Variants in OPRM1 observed in about 807,000 individuals in gnomAD.
The protein encoded by OPRM1 is opioid receptor mu 1, also known as mu-type opioid receptor.
In OPRM1, 27 loss-of-function variants were observed where a neutral mutation model predicts 31.8. That is an observed-to-expected ratio of 0.85 (90% confidence interval 0.63 to 1.17). OPRM1 has a LOEUF of 1.17. OPRM1 is among the 50% of genes most tolerant of loss of function. The pLI, the probability that OPRM1 is intolerant of heterozygous loss-of-function variation, is 0.00. For synonymous variants in OPRM1, 196 were observed against 189.9 expected, an observed-to-expected ratio of 1.03 and a Z score of -0.26; for missense variants, 536 against 511.1, an observed-to-expected ratio of 1.05 and a Z score of -0.47.
intron 3 of OPRM1, among the ~76,000 whole-genome samples, chr6:154,180,154 C>T (rs1052216816): frequency 2.0e-5 from 3 of 152,066 alleles, no homozygotes; most frequent in African/African-American, 7.2e-5. Flanking sequence ...TTTGGCTTTG[C>T]TCAAAGGAGT....
intron 3 of OPRM1, among the ~76,000 whole-genome samples, chr6:154,100,189 A>ATATAATATATAT (rs1794556081): frequency 7.0e-5 from 1 of 14,288 alleles, no homozygotes; most frequent in Non-Finnish European, 1.2e-4. Flanking sequence ...ATATTATGAC[A>ATATAATATATAT]TATCATAATA....
rs932849965 is a variant in OPRM1, at chr6:154,160,053, A to G, written c.1164+68581A>G. On this transcript the variant is annotated intron_variant, in intron 3 of 3. Coordinates refer to the OPRM1 transcript ENST00000337049. Reference sequence around the variant, plus strand: ...CATGTTCTTTACACTGTGTGAGTAGAAAAAAAGGGGAAGGGGGTATGTTGA... The same window carrying G: ...CATGTTCTTTACACTGTGTGAGTAGGAAAAAAGGGGAAGGGGGTATGTTGA... 6 of 1,587,678 alleles carry G rather than the reference A, an allele frequency of 3.8e-6. No homozygotes were observed. The African/African-American group carries it at 6.8e-5, about 18-fold the overall frequency.
intron 3 of OPRM1, among the ~76,000 whole-genome samples, chr6:154,141,512 A>G (rs562118942): frequency 6.6e-6 from 1 of 152,340 alleles, no homozygotes; most frequent in East Asian, 1.9e-4. Context: ...TAATGTATCA[A>G]GTTTATCTTG....
intron 3 of OPRM1, among the ~76,000 whole-genome samples, chr6:154,170,880 T>C (rs1799816956): frequency 6.6e-6 from 1 of 152,222 alleles, no homozygotes; most frequent in South Asian, 2.1e-4. Context: ...TTTTATTGTT[T>C]ATTTTTTAAA....
intron 3 of OPRM1, among the ~76,000 whole-genome samples, chr6:154,186,408 C>T (rs1801347610): frequency 1.3e-5 from 2 of 152,236 alleles, no homozygotes; most frequent in African/African-American, 4.8e-5. Context: ...CAGCATCTGA[C>T]TGCTTTCCAT....
chr6:154,084,752 TC>T (rs1183127357), intron 1 of OPRM1, among the ~76,000 whole-genome samples: 3 of 152,176 alleles, frequency 2.0e-5, no homozygotes, highest in South Asian at 4.1e-4. Context: ...CTTGTTGAAT[TC>T]TTACTGAATT....
At chr6:154,149,185 G>T (rs112156181) in intron 3 of OPRM1, among the ~76,000 whole-genome samples, 9,960 of 152,114 alleles carry the variant, frequency 0.065, 931 homozygotes, top group African/African-American at 0.21. Flanking sequence ...CGTGGCTGGG[G>T]AGGCCTCAGG....
chr6:154,224,484 G>A (rs1213400166), intron 3 of OPRM1, among the ~76,000 whole-genome samples: 1 of 152,080 alleles, frequency 6.6e-6, no homozygotes, highest in Non-Finnish European at 1.5e-5. Context: ...GAGGAGGGTG[G>A]ATCACTTGCG....
At chr6:154,110,266 G>T (rs1395233452) in intron 3 of OPRM1, 1 of 676,740 alleles carries the variant, frequency 1.5e-6, no homozygotes, top group Non-Finnish European at 2.5e-6. Flanking sequence ...TACCTTTGGG[G>T]TATAAATCAT....
chr6:154,077,602 A>C (rs1279833658), intron 1 of OPRM1, among the ~76,000 whole-genome samples: 2 of 151,726 alleles, frequency 1.3e-5, no homozygotes, highest in Non-Finnish European at 2.9e-5. Flanking sequence ...GTGGTGGCAC[A>C]TGCCTGTAAT....
chr6:154,091,544 G>A, intron 3 of OPRM1, 72 bp downstream of exon 3: 1 of 1,514,842 alleles, frequency 6.6e-7, no homozygotes, highest in East Asian at 2.3e-5. Flanking sequence ...TGCTAAACTA[G>A]GAGTTTAATC....
rs575751131 is a variant in OPRM1 at position 154,106,057 on chromosome 6, T to A, written c.1165-12626T>A. Among the ~76,000 whole-genome samples the A allele has an allele frequency of 7.2e-5, 11 of 152,322 alleles. No individual in the cohort carries two copies. The East Asian group carries it at 1.7e-3, about 24-fold the overall frequency. On this transcript the variant is annotated intron_variant, in intron 3 of 3. Coordinates refer to ENST00000330432, the MANE Select transcript of OPRM1 (RefSeq NM_000914.5). The stretch of plus-strand genomic sequence containing the variant: ...CGGAATAATACCCCCTTTTAGCCAA[T>A]ATGTTCACACACAGAATCTCTTACA...
chr6:154,136,617 C>T (rs946070192), downstream of OPRM1, among the ~76,000 whole-genome samples: 12 of 152,206 alleles, frequency 7.9e-5, no homozygotes, highest in African/African-American at 2.9e-4. Flanking sequence ...CCTGGGCCCT[C>T]TTCCTGCACT....
At chr6:154,228,789 A>C (rs1411075039) in intron 3 of OPRM1, among the ~76,000 whole-genome samples, 1 of 152,182 alleles carries the variant, frequency 6.6e-6, no homozygotes, top group East Asian at 1.9e-4. Context: ...TTGGGCGGCC[A>C]AGGCGGGAGG....
chr6:154,022,189 GAGCTGGTTCTGTT>G (rs1265585394), intron 1 of OPRM1, among the ~76,000 whole-genome samples: 12 of 152,178 alleles, frequency 7.9e-5, no homozygotes, highest in African/African-American at 2.9e-4. Flanking sequence ...TCATGAATGA[GAGCTGGTTCTGTT>G]AGATGCTTTT....
intron 1 of OPRM1, among the ~76,000 whole-genome samples, chr6:154,040,992 A>T (rs904035325): frequency 6.6e-6 from 1 of 151,914 alleles, no homozygotes; most frequent in Non-Finnish European, 1.5e-5. Flanking sequence ...AACCAGGGGT[A>T]TGTGTATATA....
At chr6:154,068,937 C>T (rs183301746) in intron 1 of OPRM1, among the ~76,000 whole-genome samples, 5 of 152,204 alleles carry the variant, frequency 3.3e-5, no homozygotes, top group East Asian at 3.9e-4. Flanking sequence ...AGTTTTGACT[C>T]GCATTTCCCT....
chr6:154,150,329 T>C (rs986251176), intron 3 of OPRM1, among the ~76,000 whole-genome samples: 2 of 152,234 alleles, frequency 1.3e-5, no homozygotes, highest in African/African-American at 4.8e-5. Context: ...TGATCCAACC[T>C]TCAGGATCTA....
intron 3 of OPRM1, among the ~76,000 whole-genome samples, chr6:154,113,217 G>A (rs1392919886): frequency 2.0e-5 from 3 of 152,176 alleles, no homozygotes; most frequent in Non-Finnish European, 2.9e-5. Flanking sequence ...TTAAGAATAG[G>A]TTCCTGGCCT....
Sources: allele counts gnomAD v4.1 joint callset (sites outside exome capture counted in the v4.1 genomes callset), GRCh38; gene constraint gnomAD v4.1.1; transcripts MANE v1.5; gene names NCBI Gene and HGNC (gene_info 2026-07-23, HGNC 2026-07-21).